The following KIAA1217 variants were observed in gnomAD, a reference collection of about 807,000 sequenced individuals.
The protein encoded by KIAA1217 is KIAA1217, also known as sickle tail protein homolog.
In KIAA1217, 88 loss-of-function variants were observed where a neutral mutation model predicts 163.9. The observed-to-expected ratio is 0.54, with a 90% CI of 0.45 to 0.64. KIAA1217 has a LOEUF of 0.64. Ranked by LOEUF, KIAA1217 falls within the 30% of genes least tolerant of loss-of-function variation. The pLI is 0.00. For missense variants in KIAA1217, 2,372 were observed against 2,475.0 expected (o/e 0.96, Z 0.88); for synonymous variants, 903 against 923.1 (o/e 0.98, Z 0.39).
At chr10:24,244,792 C>T (rs919334834) in intron 2 of KIAA1217, among the ~76,000 whole-genome samples, 16 of 151,940 alleles carry the variant, frequency 1.1e-4, no homozygotes, top group Non-Finnish European at 2.1e-4. Context: ...CTCGAACTCC[C>T]GGCCTCAAGT....
intron 3 of KIAA1217, among the ~76,000 whole-genome samples, chr10:24,390,074 C>T (rs1037683131): frequency 2.0e-5 from 3 of 152,142 alleles, no homozygotes; most frequent in African/African-American, 7.2e-5. Context: ...GAAGATTCAG[C>T]CCAGTGATTC....
chr10:23,879,552 A>C (rs905892387), intron 1 of KIAA1217, among the ~76,000 whole-genome samples: 1 of 151,922 alleles, frequency 6.6e-6, no homozygotes, highest in East Asian at 1.9e-4. Flanking sequence ...TGGATTTACA[A>C]GTTGGGTCTT....
intron 1 of KIAA1217, among the ~76,000 whole-genome samples, chr10:23,959,691 G>A (rs959397322): frequency 6.6e-6 from 1 of 152,114 alleles, no homozygotes; most frequent in African/African-American, 2.4e-5. Flanking sequence ...AGTCCATAGG[G>A]AGGTATGACT....
At chr10:24,077,965 T>C (rs2061421250) in intron 2 of KIAA1217, among the ~76,000 whole-genome samples, 1 of 152,188 alleles carries the variant, frequency 6.6e-6, no homozygotes, top group Admixed American at 6.5e-5. Context: ...TTTTTTCATA[T>C]CGTTGTTGGC....
chr10:24,241,564 C>T (rs76729083), intron 2 of KIAA1217, among the ~76,000 whole-genome samples: 1,896 of 152,132 alleles, frequency 0.012, 28 homozygotes, highest in African/African-American at 0.036. Context: ...CAGGTATTTT[C>T]GGAGTGAGAA....
In KIAA1217 at chr10:24,371,451, A is replaced by G. The variant is rs79199077; in HGVS notation, c.355-9418A>G. Among the ~76,000 whole-genome samples the G allele has an allele frequency of 0.011, 1,690 of 152,324 alleles. 87 individuals are homozygous for G. The East Asian group carries it at 0.17, about 15-fold the overall frequency. On this transcript the variant is annotated intron_variant, in intron 2 of 20. Transcript: ENST00000376454. ...TTAAGAGCCTTTAAATTAAATTACT[A>G]TAATGGTATCAGAACTACAGATGTG...
chr10:24,238,347 G>A (rs766480322), intron 2 of KIAA1217, among the ~76,000 whole-genome samples: 3 of 152,120 alleles, frequency 2.0e-5, no homozygotes, highest in African/African-American at 7.2e-5. Context: ...GGTGCCTAGT[G>A]GTCAGCAGTC....
At chr10:24,532,706 C>T (rs1222815027) in intron 15 of KIAA1217, among the ~76,000 whole-genome samples, 3 of 152,110 alleles carry the variant, frequency 2.0e-5, no homozygotes, top group Admixed American at 6.5e-5. Context: ...GAGAACAGCA[C>T]GGGAAAGACC....
chr10:24,328,739 T>C (rs2045273611), intron 2 of KIAA1217, among the ~76,000 whole-genome samples: 1 of 152,032 alleles, frequency 6.6e-6, no homozygotes, highest in Non-Finnish European at 1.5e-5. Context: ...CTTTTTGAGA[T>C]ACATTTACTT....
At chr10:24,353,008 C>T (rs545843841) in intron 2 of KIAA1217, among the ~76,000 whole-genome samples, 47 of 152,070 alleles carry the variant, frequency 3.1e-4, no homozygotes, top group Middle Eastern at 3.4e-3. Flanking sequence ...CTCCCGAGAA[C>T]GCTAGAATGA....
chr10:24,011,482 GT>G (rs1847234574), intron 2 of KIAA1217, among the ~76,000 whole-genome samples: 2 of 151,964 alleles, frequency 1.3e-5, no homozygotes, highest in African/African-American at 4.8e-5. Context: ...GTGAGATCTT[GT>G]CTTAAAATTA....
At chr10:24,513,865 T>C (rs2069609858) in intron 10 of KIAA1217, among the ~76,000 whole-genome samples, 1 of 148,426 alleles carries the variant, frequency 6.7e-6, no homozygotes, top group Admixed American at 6.7e-5. Flanking sequence ...TTAAAAGGAG[T>C]AAATGGCAAA....
intron 2 of KIAA1217, among the ~76,000 whole-genome samples, chr10:24,138,169 T>C (rs1446639184): frequency 2.0e-5 from 3 of 152,198 alleles, no homozygotes; most frequent in African/African-American, 7.2e-5. Context: ...TGGTTTTGTT[T>C]TAGAGGCAGG....
chr10:23,706,164 T>G (rs1283518582), intron 1 of KIAA1217, among the ~76,000 whole-genome samples: 1 of 152,180 alleles, frequency 6.6e-6, no homozygotes, highest in African/African-American at 2.4e-5. Flanking sequence ...GGTAGATTTT[T>G]AAAGGATTTT....
intron 1 of KIAA1217, among the ~76,000 whole-genome samples, chr10:23,844,649 G>A (rs749245620): frequency 4.0e-5 from 6 of 151,402 alleles, no homozygotes; most frequent in Non-Finnish European, 7.4e-5. Context: ...TCCTCTGCAA[G>A]ATATGCACAT....
intron 1 of KIAA1217, among the ~76,000 whole-genome samples, chr10:23,829,902 A>C (rs552212285): frequency 8.6e-5 from 13 of 152,022 alleles, no homozygotes; most frequent in Non-Finnish European, 1.8e-4. Context: ...AAACTAAATA[A>C]ATTAGTGGGA....
intron 2 of KIAA1217, among the ~76,000 whole-genome samples, chr10:24,373,638 T>G (rs1402639123): frequency 6.6e-6 from 1 of 152,172 alleles, no homozygotes; most frequent in Non-Finnish European, 1.5e-5. Flanking sequence ...TAATACTCTA[T>G]GGAGAGTATT....
chr10:24,357,568 T>C (rs1330413941), intron 2 of KIAA1217, among the ~76,000 whole-genome samples: 1 of 152,190 alleles, frequency 6.6e-6, no homozygotes, highest in Non-Finnish European at 1.5e-5. Context: ...AAGGATGGAA[T>C]GTCTTACAAT....
intron 1 of KIAA1217, among the ~76,000 whole-genome samples, chr10:24,217,814 A>AAT (rs1431691701): frequency 6.6e-6 from 1 of 152,236 alleles, no homozygotes; most frequent in Non-Finnish European, 1.5e-5. Flanking sequence ...ATAATTGGCA[A>AAT]ATATGCTTCT....
Sources: allele counts gnomAD v4.1 joint callset (sites outside exome capture counted in the v4.1 genomes callset), GRCh38; gene constraint gnomAD v4.1.1; transcripts MANE v1.5; gene names NCBI Gene and HGNC (gene_info 2026-07-23, HGNC 2026-07-21).